Variants in LHPP observed in about 807,000 individuals in gnomAD.
LHPP encodes phospholysine phosphohistidine inorganic pyrophosphate phosphatase.
A neutral mutation model predicts 30.3 loss-of-function variants in LHPP; 24 were observed. The observed-to-expected ratio is 0.79, with a 90% confidence interval of 0.57 to 1.11. The LOEUF (loss-of-function observed/expected upper bound fraction) is 1.11. Among genes scored for constraint, LHPP ranks in the 50% most tolerant of loss-of-function variants. The pLI is 0.00. For missense variants in LHPP, 356 were observed against 367.2 expected, an observed-to-expected ratio of 0.97 and a Z score of 0.25; for synonymous variants, 150 against 157.1, an observed-to-expected ratio of 0.95 and a Z score of 0.34.
intron 1 of LHPP, 120 bp downstream of exon 1, chr10:124,462,107 T>TC (rs1384900358): frequency 1.1e-6 from 1 of 949,096 alleles, no homozygotes; most frequent in East Asian, 4.4e-5. Flanking sequence ...CGCCTCGGTC[T>TC]CCCCCTTCCC....
At chr10:124,473,621 A>T (rs1952855121) in intron 1 of LHPP, among the ~76,000 whole-genome samples, 1 of 152,076 alleles carries the variant, frequency 6.6e-6, no homozygotes, top group Non-Finnish European at 1.5e-5. Flanking sequence ...TAATTCCTGT[A>T]CCCAGGCTGC....
intron 3 of LHPP, chr10:124,490,152 G>A (rs1953475912): frequency 5.7e-6 from 1 of 175,266 alleles, no homozygotes; most frequent in African/African-American, 2.4e-5. Flanking sequence ...CCCTGTGAGT[G>A]TCTCTGTCTG....
At chr10:124,552,300 A>T (rs1225562620) in intron 6 of LHPP, among the ~76,000 whole-genome samples, 1 of 152,136 alleles carries the variant, frequency 6.6e-6, no homozygotes, top group African/African-American at 2.4e-5. Flanking sequence ...TACTTGACCA[A>T]GGTCATCCCA....
chr10:124,556,668 C>A (rs766955022), intron 6 of LHPP, among the ~76,000 whole-genome samples: 1 of 152,182 alleles, frequency 6.6e-6, no homozygotes, highest in Non-Finnish European at 1.5e-5. Context: ...ACTCTCGACA[C>A]CCTCACCAAC....
chr10:124,606,839 A>G (rs1949101303), intron 6 of LHPP, among the ~76,000 whole-genome samples: 1 of 152,026 alleles, frequency 6.6e-6, no homozygotes, highest in South Asian at 2.1e-4. Context: ...AGGACACAGA[A>G]CCGTGGGGGC....
intron 4 of LHPP, among the ~76,000 whole-genome samples, chr10:124,497,825 G>A (rs1294094532): frequency 6.6e-6 from 1 of 152,150 alleles, no homozygotes; most frequent in Non-Finnish European, 1.5e-5. Context: ...TGGATGGCAG[G>A]GTGCCTGGTG....
At chr10:124,511,705 G>C (rs1954303219) in intron 5 of LHPP, among the ~76,000 whole-genome samples, 1 of 152,200 alleles carries the variant, frequency 6.6e-6, no homozygotes, top group African/African-American at 2.4e-5. Context: ...TGGCCTCAGG[G>C]GGCCTCATTG....
Position 124,613,574 on chromosome 10 carries a change from G to C in LHPP, c.*214G>C. ...TCTGCCCTCTGCCCTGCATGGGCAGGCATTTGTTCCCTACCTGGGTGGCCT... is the reference window on the plus strand; with the variant it reads ...TCTGCCCTCTGCCCTGCATGGGCAGCCATTTGTTCCCTACCTGGGTGGCCT... On this transcript the variant is annotated 3_prime_UTR_variant, in exon 7 of 7. Transcript: ENST00000368842. 1 of 595,418 alleles carries C rather than the reference G, an allele frequency of 1.7e-6. No individual in the cohort carries two copies. The highest frequency in any genetic ancestry group is 2.0e-5 in the South Asian group (1 of 51,246). The allele number at this position is 595,418 out of a possible 1,614,324, so 36.9% of individuals were successfully genotyped here. A position where few individuals can be genotyped will look rare whatever the true frequency, so the allele number is the denominator to read the frequency against.
intron 6 of LHPP, among the ~76,000 whole-genome samples, chr10:124,611,011 G>A (rs1181132295): frequency 2.0e-5 from 1 of 49,852 alleles, no homozygotes; most frequent in Non-Finnish European, 4.6e-5. Flanking sequence ...TTAATGAAGC[G>A]GGTGCGGGTG....
intron 6 of LHPP, among the ~76,000 whole-genome samples, chr10:124,528,587 G>GACCTCAGGTGATCTGCCC (rs1954804932): frequency 6.6e-6 from 1 of 152,104 alleles, no homozygotes; most frequent in Non-Finnish European, 1.5e-5. Flanking sequence ...TTGAACTCCT[G>GACCTCAGGTGATCTGCCC]ACCTCAGGTG....
intron 6 of LHPP, among the ~76,000 whole-genome samples, chr10:124,605,855 G>A (rs535640587): frequency 2.0e-5 from 3 of 151,804 alleles, no homozygotes; most frequent in African/African-American, 4.8e-5. Context: ...GGGGGAGGGG[G>A]AAGGGGAAGG....
Position 124,576,133 on chromosome 10 carries a change from C to T in LHPP, c.717-37131C>T, listed in dbSNP as rs1374706769. Among the ~76,000 whole-genome samples the T allele has an allele frequency of 2.0e-5, 3 of 152,102 alleles. No homozygotes were observed. The highest frequency in any genetic ancestry group is 2.4e-5 in the African/African-American group (1 of 41,398). ...TAACCACTGTGTTCACTGAACACCC[C>T]GGGCTTGATCAGCTGCTGAGGGTGA... is the stretch of plus-strand genomic sequence containing the variant. On this transcript the variant is annotated intron_variant, in intron 6 of 6. Coordinates refer to ENST00000368842, the MANE Select transcript of LHPP (RefSeq NM_022126.4). This position sits in a 1 kb window ranked among gnomAD's most constrained non-coding sequence, Gnocchi z 4.2.
intron 6 of LHPP, among the ~76,000 whole-genome samples, chr10:124,580,081 TA>T (rs2133990424): frequency 6.6e-6 from 1 of 151,352 alleles, no homozygotes; most frequent in African/African-American, 2.4e-5. Context: ...TTTTGTGAAT[TA>T]CCTATTCATA....
intron 1 of LHPP, among the ~76,000 whole-genome samples, chr10:124,471,727 A>ATATATATATTTG (rs372545775): frequency 3.3e-5 from 1 of 30,686 alleles, no homozygotes; most frequent in Non-Finnish European, 4.9e-5. Flanking sequence ...ATATTTATGT[A>ATATATATATTTG]TATATATATT....
At chr10:124,548,404 C>T (rs941423439) in intron 6 of LHPP, among the ~76,000 whole-genome samples, 1 of 152,188 alleles carries the variant, frequency 6.6e-6, no homozygotes, top group African/African-American at 2.4e-5. Flanking sequence ...AGGGAGGGCT[C>T]TGTTTACCTC....
Position 124,536,367 on chromosome 10 carries a change from A to G in LHPP, c.716+19096A>G, listed in dbSNP as rs374369824. ...AAAGAGGAAGCGGTAGTGTTCCCGCATGCAGTCCCAAATAGACTCCTGCTC... is the reference window on the plus strand; with the variant it reads ...AAAGAGGAAGCGGTAGTGTTCCCGCGTGCAGTCCCAAATAGACTCCTGCTC... On this transcript the variant is annotated intron_variant, in intron 6 of 6. Coordinates refer to ENST00000368842, the MANE Select transcript of LHPP (RefSeq NM_022126.4). Among the ~76,000 whole-genome samples the G allele has an allele frequency of 1.3e-4, 20 of 152,342 alleles. No homozygotes were observed. The East Asian group carries it at 2.3e-3, about 18-fold the overall frequency.
At chr10:124,610,317 TGGGTGC>T (rs1185273107) in intron 6 of LHPP, among the ~76,000 whole-genome samples, 10 of 20,728 alleles carry the variant, frequency 4.8e-4, no homozygotes, top group East Asian at 1.6e-3. Flanking sequence ...GGTGCGGGTG[TGGGTGC>T]GGGTGAGGGT....
intron 5 of LHPP, among the ~76,000 whole-genome samples, chr10:124,512,899 A>C (rs1954342652): frequency 6.6e-6 from 1 of 152,070 alleles, no homozygotes; most frequent in Non-Finnish European, 1.5e-5. Context: ...TGGAGAGCAA[A>C]TTCCACCTGG....
Position 124,593,733 on chromosome 10 carries a change from G to A in LHPP, c.717-19531G>A, listed in dbSNP as rs1185315106. On this transcript the variant is annotated intron_variant, in intron 6 of 6. Coordinates refer to ENST00000368842, the MANE Select transcript of LHPP (RefSeq NM_022126.4). This position sits in a 1 kb window ranked among gnomAD's most constrained non-coding sequence, Gnocchi z 4.9. ...GGGGTTGGGGCGAGGACCAGCTCTG[G>A]GCAGTCTCCAGGTCATGCGCGTTTG... Among the ~76,000 whole-genome samples the A allele has an allele frequency of 1.3e-5, 2 of 152,258 alleles. No homozygotes were observed. The highest frequency in any genetic ancestry group is 2.9e-5 in the Non-Finnish European group (2 of 68,044).
Sources: allele counts gnomAD v4.1 joint callset (sites outside exome capture counted in the v4.1 genomes callset), GRCh38; gene constraint gnomAD v4.1.1; non-coding constraint Gnocchi (gnomAD v3.1); transcripts MANE v1.5; gene names NCBI Gene and HGNC (gene_info 2026-07-23, HGNC 2026-07-21).